Variants in PAQR5 observed in about 807,000 individuals in gnomAD.
PAQR5 encodes the protein progestin and adipoQ receptor family member 5, also known as membrane progestin receptor gamma.
PAQR5 carries 20 observed loss-of-function variants against 34.5 expected under a neutral mutation model. The ratio of observed to expected loss-of-function variants is 0.58; its 90% confidence interval spans 0.41 to 0.84. PAQR5 has a LOEUF of 0.84. PAQR5 is among the 40% of genes least tolerant of loss of function. The probability of loss-of-function intolerance (pLI) is 0.00; values close to 1 mark genes in which losing one functional copy is unlikely to be tolerated. For synonymous variants in PAQR5, 131 were observed against 155.6 expected (o/e 0.84, Z 1.18); for missense variants, 378 against 412.7 (o/e 0.92, Z 0.73).
intron 2 of PAQR5, among the ~76,000 whole-genome samples, chr15:69,344,147 C>T (rs2054708375): frequency 6.6e-6 from 1 of 152,174 alleles, no homozygotes; most frequent in Admixed American, 6.6e-5. Flanking sequence ...GCAAGCTACT[C>T]TTTTAGGAAC....
chr15:69,329,446 A>C (rs529298724), intron 1 of PAQR5, among the ~76,000 whole-genome samples: 8 of 150,714 alleles, frequency 5.3e-5, no homozygotes, highest in African/African-American at 2.0e-4. Context: ...TATTTTACCT[A>C]AATTTATTTT....
intron 1 of PAQR5, among the ~76,000 whole-genome samples, chr15:69,319,168 TA>T (rs755579435): frequency 0.95 from 129,131 of 136,552 alleles, 61,425 homozygotes; most frequent in Non-Finnish European, 1. Flanking sequence ...CATATATATA[TA>T]TATATATATA....
In PAQR5 at chr15:69,407,603, G is replaced by A. The variant is rs1350053199; in HGVS notation, c.*3781G>A. On this transcript the variant is annotated 3_prime_UTR_variant, in exon 9 of 9. Coordinates refer to ENST00000395407, the MANE Select transcript of PAQR5 (RefSeq NM_017705.4). Reference sequence around the variant, plus strand: ...CTAATGTCTGGTTTTCTTGAACTATGTGAGAGAAAAAAATAAACAGAATTT... The same window carrying A: ...CTAATGTCTGGTTTTCTTGAACTATATGAGAGAAAAAAATAAACAGAATTT... The A allele has an allele frequency of 6.6e-6, 1 of 152,120 alleles. No individual in the cohort carries two copies. Among genetic ancestry groups the A allele is most frequent in the Non-Finnish European group, 1.5e-5 (1 of 68,020 alleles). The allele number at this position is 152,120 out of a possible 1,614,324, so 9.4% of individuals were successfully genotyped here. A position where few individuals can be genotyped will look rare whatever the true frequency, so the allele number is the denominator to read the frequency against.
At chr15:69,334,262 T>C (rs960624948) in intron 1 of PAQR5, among the ~76,000 whole-genome samples, 3 of 152,152 alleles carry the variant, frequency 2.0e-5, no homozygotes, top group African/African-American at 4.8e-5. Context: ...GCTCTTGACC[T>C]CGTGATCCAC....
At chr15:69,328,526 G>A (rs2054304601) in intron 1 of PAQR5, among the ~76,000 whole-genome samples, 1 of 152,226 alleles carries the variant, frequency 6.6e-6, no homozygotes. Flanking sequence ...ACTGTGGGCT[G>A]GGCCCGAAAG....
intron 8 of PAQR5, among the ~76,000 whole-genome samples, chr15:69,402,828 C>G (rs1165876988): frequency 6.6e-6 from 1 of 152,246 alleles, no homozygotes; most frequent in African/African-American, 2.4e-5. Flanking sequence ...GGTTGTCCCC[C>G]AAAGCTGCCC....
intron 1 of PAQR5, among the ~76,000 whole-genome samples, chr15:69,315,320 G>A (rs376159569): frequency 2.0e-5 from 3 of 152,118 alleles, no homozygotes; most frequent in Admixed American, 6.5e-5. Context: ...GAGGAAGATC[G>A]GGGTCTTTGT....
At chr15:69,399,864 C>T (rs2056568426) in intron 7 of PAQR5, 110 bp from the exon 8 acceptor site, 2 of 1,095,144 alleles carry the variant, frequency 1.8e-6, no homozygotes, top group Non-Finnish European at 2.7e-6. Flanking sequence ...TGTGTGCTAA[C>T]ATGTGTGGGT....
chr15:69,375,849 C>A (rs1475855596), intron 3 of PAQR5, among the ~76,000 whole-genome samples: 1 of 152,184 alleles, frequency 6.6e-6, no homozygotes, highest in Admixed American at 6.5e-5. Context: ...TCTTCTCTTT[C>A]CCTGCTATCC....
chr15:69,362,193 CCT>C (rs2055252566), intron 3 of PAQR5, among the ~76,000 whole-genome samples: 1 of 152,136 alleles, frequency 6.6e-6, no homozygotes, highest in Non-Finnish European at 1.5e-5. Context: ...ATGAACATGT[CCT>C]CTCTGTCCAG....
At chr15:69,308,966 A>G (rs2053774635) in intron 1 of PAQR5, among the ~76,000 whole-genome samples, 1 of 152,190 alleles carries the variant, frequency 6.6e-6, no homozygotes, top group Non-Finnish European at 1.5e-5. Context: ...TGAGAGTGCT[A>G]AGGAAATCCC....
At chr15:69,335,728 A>C (rs566904787) in intron 1 of PAQR5, among the ~76,000 whole-genome samples, 1 of 152,042 alleles carries the variant, frequency 6.6e-6, no homozygotes, top group Admixed American at 6.6e-5. Context: ...CATTAAAATC[A>C]TACTGATGTG....
At chr15:69,303,837 A>G (rs915894215) in intron 1 of PAQR5, among the ~76,000 whole-genome samples, 8 of 152,168 alleles carry the variant, frequency 5.3e-5, no homozygotes, top group Middle Eastern at 3.2e-3. Flanking sequence ...AGAGGAGCAG[A>G]TCTTGTGCAG....
intron 2 of PAQR5, among the ~76,000 whole-genome samples, chr15:69,341,605 T>C (rs1340411796): frequency 1.3e-5 from 2 of 152,118 alleles, no homozygotes; most frequent in Non-Finnish European, 2.9e-5. Flanking sequence ...TGAAGAGCAT[T>C]TGGGCTTTCA....
In PAQR5 at chr15:69,339,168, A is replaced by ACCCCCCCCCCCC. The variant is rs111647955; in HGVS notation, c.-116+1668_-116+1669insCCCCCCCCCCCC. Among the ~76,000 whole-genome samples, 48 of 134,110 alleles carry ACCCCCCCCCCCC rather than the reference A, an allele frequency of 3.6e-4. 1 individual carries two copies. The highest frequency in any genetic ancestry group is 6.1e-4 in the Non-Finnish European group (37 of 60,266). 88.0% of individuals were successfully genotyped at this position (134,110 alleles called of 152,430 possible). ...AGTCACCACTCCTGGCCCACTGGCT[A>ACCCCCCCCCCCC]CACCCCCCACCCCGCCACCAAGTTA... On this transcript the variant is annotated intron_variant, in intron 2 of 8. Transcript: ENST00000395407.
intron 8 of PAQR5, among the ~76,000 whole-genome samples, chr15:69,402,261 G>C (rs2056653789): frequency 6.6e-6 from 1 of 151,878 alleles, no homozygotes; most frequent in African/African-American, 2.4e-5. Context: ...CTTTCCAACT[G>C]TCTTCACATG....
chr15:69,396,220 A>C (rs956898367), intron 6 of PAQR5, among the ~76,000 whole-genome samples: 5 of 148,894 alleles, frequency 3.4e-5, no homozygotes, highest in African/African-American at 5.0e-5. Flanking sequence ...CTCATACGAG[A>C]TATGAACAGC....
chr15:69,388,650 GGGCT>G lies in PAQR5; in HGVS notation c.386-1002_386-999del, dbSNP rs1363396138. Among the ~76,000 whole-genome samples, 20 of 152,234 alleles carry G rather than the reference GGGCT, an allele frequency of 1.3e-4. 1 individual carries two copies. The highest frequency in any genetic ancestry group is 4.6e-4 in the African/African-American group (19 of 41,450). On this transcript the variant is annotated intron_variant, in intron 5 of 8. Transcript: ENST00000395407. ...AGGCAGCTTCCCACTGAAATCTCGCGGGCTGCCTGCTGCAGCTGGGAGTATGGGA... is the reference window on the plus strand; with the variant it reads ...AGGCAGCTTCCCACTGAAATCTCGCGGCCTGCTGCAGCTGGGAGTATGGGA...
chr15:69,374,302 A>G (rs1373074822), intron 3 of PAQR5, among the ~76,000 whole-genome samples: 1 of 152,146 alleles, frequency 6.6e-6, no homozygotes, highest in Admixed American at 6.5e-5. Context: ...GGAACTAAGC[A>G]TGGTCCTGCA....
Sources: gnomAD v4.1 joint callset for allele counts (sites outside exome capture counted in the v4.1 genomes callset) on GRCh38, gnomAD v4.1.1 for gene constraint, MANE v1.5 for transcripts, NCBI Gene and HGNC (gene_info 2026-07-23, HGNC 2026-07-21) for gene names.